CNST: variants seen among roughly 807,000 people sequenced by gnomAD.
CNST encodes the protein consortin, connexin sorting protein.
CNST carries 39 observed loss-of-function variants against 72.4 expected under a neutral mutation model. The ratio of observed to expected loss-of-function variants is 0.54; its 90% CI spans 0.42 to 0.70. The LOEUF is 0.70. CNST is among the 30% of genes least tolerant of loss of function. The pLI, the probability that CNST is intolerant of heterozygous loss-of-function variation, is 0.00. For missense variants in CNST, 871 were observed against 868.5 expected, an observed-to-expected ratio of 1.00 and a Z score of -0.04; for synonymous variants, 332 against 320.1, an observed-to-expected ratio of 1.04 and a Z score of -0.40.
chr1:246,591,075 T>C (rs1021240519), intron 1 of CNST, among the ~76,000 whole-genome samples: 1 of 152,210 alleles, frequency 6.6e-6, no homozygotes, highest in African/African-American at 2.4e-5. Context: ...GAAGAACTTA[T>C]ACAACTAGCT....
intron 1 of CNST, among the ~76,000 whole-genome samples, chr1:246,574,553 G>A (rs910608806): frequency 6.6e-6 from 1 of 152,008 alleles, no homozygotes; most frequent in African/African-American, 2.4e-5. Context: ...AGCCTCCCTA[G>A]TAGCTGGGAC....
chr1:246,597,083 G>A (rs2103033172), intron 2 of CNST, among the ~76,000 whole-genome samples: 1 of 152,252 alleles, frequency 6.6e-6, no homozygotes, highest in Non-Finnish European at 1.5e-5. Context: ...GAGTGGAATT[G>A]CTGGATCATA....
In CNST at chr1:246,631,471, TATTA is replaced by T. The variant is rs368939525; in HGVS notation, c.586-418_586-415del. On this transcript the variant is annotated intron_variant, in intron 3 of 10. Transcript: ENST00000366513. ...TTGACATATTTCTGCTTTTTCTTTTTATTAATTATTTATTTATGTTTGCTTCACA... is the reference window on the plus strand; with the variant it reads ...TTGACATATTTCTGCTTTTTCTTTTTATTATTTATTTATGTTTGCTTCACA... 8.5e-5 allele frequency among the ~76,000 whole-genome samples: 13 copies of T among 152,368 alleles called. 1 individual carries two copies. Among genetic ancestry groups the T allele is most frequent in the African/African-American group, 2.6e-4 (11 of 41,588 alleles).
intron 9 of CNST, among the ~76,000 whole-genome samples, chr1:246,652,942 T>C (rs1212253504): frequency 6.6e-6 from 1 of 150,574 alleles, no homozygotes. Flanking sequence ...AGGCGGAGCT[T>C]GCAGTGAGCC....
rs1274772647 is a variant in CNST at position 246,647,857 on chromosome 1, A to G, written c.1656A>G (p.Leu552=). The change falls in exon 9 of 11, where the codon TTA becomes TTG. Residue 552 remains leucine, a synonymous_variant. Coordinates refer to ENST00000366513, the MANE Select transcript of CNST (RefSeq NM_152609.3). ...CAGAAGACTATTTGAACAGCCTTTT[A>G]GAAGGATGTTTAAAAGATACTGAAG... ...KETEDYLNSL[L]EGCLKDTEDS... 5.0e-6 allele frequency: 8 copies of G among 1,614,080 alleles called. No individual in the cohort carries two copies. In the Admixed American group the frequency reaches 1.3e-4, roughly 27 times the overall value.
At chr1:246,662,725 C>T (rs548553305) in intron 10 of CNST, among the ~76,000 whole-genome samples, 5 of 152,264 alleles carry the variant, frequency 3.3e-5, no homozygotes, top group East Asian at 1.9e-4. Context: ...TAACCCAGTA[C>T]ATAAAAATTA....
chr1:246,624,405 G>A (rs1175698492), intron 3 of CNST, among the ~76,000 whole-genome samples: 1 of 152,226 alleles, frequency 6.6e-6, no homozygotes, highest in Non-Finnish European at 1.5e-5. Context: ...AGTAATAGAG[G>A]ATTAAATGGG....
Position 246,642,132 on chromosome 1 carries a change from G to GTTTTTTTT in CNST, c.937+95_937+96insTTTTTTTT, listed in dbSNP as rs1491252940. ...ACATCTGAATTGCTGCAAAGGATCT[G>GTTTTTTTT]GTTTTTTTTTTTTTTTTTTTTTGCA... On this transcript the variant is annotated intron_variant, in intron 8 of 10. Transcript: ENST00000366513. 7.2e-4 allele frequency: 143 copies of GTTTTTTTT among 198,326 alleles called. 23 individuals are homozygous for GTTTTTTTT. Among genetic ancestry groups the GTTTTTTTT allele is most frequent in the African/African-American group, 6.9e-3 (129 of 18,804 alleles). The allele number at this position is 198,326 out of a possible 1,614,324, so 12.3% of individuals were successfully genotyped here.
intron 2 of CNST, among the ~76,000 whole-genome samples, chr1:246,612,927 T>G (rs1663431172): frequency 6.6e-6 from 1 of 152,116 alleles, no homozygotes; most frequent in Non-Finnish European, 1.5e-5. Flanking sequence ...GTTAGGGACA[T>G]ACAAAGCTTA....
chr1:246,619,664 G>T (rs1331057368), intron 2 of CNST, among the ~76,000 whole-genome samples: 1 of 152,234 alleles, frequency 6.6e-6, no homozygotes, highest in African/African-American at 2.4e-5. Flanking sequence ...TTAAACAGGA[G>T]GAAAATATTC....
intron 1 of CNST, chr1:246,566,906 T>A (rs1406959146): frequency 2.8e-6 from 1 of 354,182 alleles, no homozygotes; most frequent in African/African-American, 2.1e-5. Flanking sequence ...TCTCCCTCCC[T>A]AGGGGACTAG....
chr1:246,615,767 A>G (rs879846228), intron 2 of CNST, among the ~76,000 whole-genome samples: 6 of 151,854 alleles, frequency 4.0e-5, no homozygotes, highest in Non-Finnish European at 7.4e-5. Flanking sequence ...AATCCCAGCT[A>G]CTCGGGAGGC....
chr1:246,589,523 A>G (rs1406069095), intron 1 of CNST, among the ~76,000 whole-genome samples: 2 of 151,656 alleles, frequency 1.3e-5, no homozygotes, highest in Non-Finnish European at 2.9e-5. Flanking sequence ...ATTGTTGGAC[A>G]TTTGCGTTGG....
chr1:246,655,821 T>C (rs1181158686), intron 9 of CNST, among the ~76,000 whole-genome samples: 2 of 152,220 alleles, frequency 1.3e-5, no homozygotes, highest in Non-Finnish European at 2.9e-5. Context: ...CCTCTTCGTC[T>C]GCAAAATGGG....
rs1044228824 is a variant in CNST, at chr1:246,647,825, A to G, written c.1624A>G (p.Lys542Glu). ...EKGDKDDQLNKETEDYLNSLL... is the reference protein window; with the variant it reads ...EKGDKDDQLNEETEDYLNSLL... Reference sequence around the variant, plus strand: ...GGGAGATAAAGACGACCAACTCAACAAAGAAACAGAAGACTATTTGAACAG... The same window carrying G: ...GGGAGATAAAGACGACCAACTCAACGAAGAAACAGAAGACTATTTGAACAG... Residue 542 changes from lysine (K) to glutamate (E), a missense_variant, in exon 9 of 11, where the codon AAA (lysine) becomes GAA (glutamate). By Grantham distance (56) the Lys-to-Glu change is moderately conservative (BLOSUM62 1). Transcript: ENST00000366513. The G allele has an allele frequency of 6.2e-7, 1 of 1,614,226 alleles. No individual in the cohort carries two copies. Among genetic ancestry groups the G allele is most frequent in the East Asian group, 2.2e-5 (1 of 44,884 alleles).
chr1:246,653,110 A>G (rs1296741448), intron 9 of CNST, among the ~76,000 whole-genome samples: 1 of 152,156 alleles, frequency 6.6e-6, no homozygotes, highest in African/African-American at 2.4e-5. Context: ...AACTGCTTGT[A>G]TCACATGAAG....
At chr1:246,567,868 A>G (rs1191101610) in intron 1 of CNST, among the ~76,000 whole-genome samples, 2 of 152,090 alleles carry the variant, frequency 1.3e-5, no homozygotes, top group East Asian at 3.9e-4. Context: ...CTTAAAAAAC[A>G]TTTTCATAGA....
intron 8 of CNST, among the ~76,000 whole-genome samples, chr1:246,644,258 G>A (rs2103126001): frequency 1.3e-5 from 2 of 152,168 alleles, no homozygotes; most frequent in Admixed American, 6.5e-5. Context: ...GCGTGGTGGC[G>A]GGCGCCTGTA....
chr1:246,568,453 A>C (rs900960664), intron 1 of CNST, among the ~76,000 whole-genome samples: 2 of 152,142 alleles, frequency 1.3e-5, no homozygotes, highest in Non-Finnish European at 2.9e-5. Context: ...AGGTGCTGAG[A>C]ATGTTGATTT....
Sources: gnomAD v4.1 joint callset for allele counts (sites outside exome capture counted in the v4.1 genomes callset) on GRCh38, gnomAD v4.1.1 for gene constraint, MANE v1.5 for transcripts, NCBI Gene and HGNC (gene_info 2026-07-23, HGNC 2026-07-21) for gene names.